Variants in TENM3 observed in about 807,000 individuals in gnomAD.
TENM3 encodes teneurin-3.
Under a neutral mutation model 255.1 loss-of-function variants are expected in TENM3, and 63 were observed. The observed-to-expected ratio is 0.25, with a 90% CI of 0.20 to 0.30. The LOEUF is 0.30. Ranked by LOEUF, TENM3 falls within the 10% of genes least tolerant of loss-of-function variation. The probability of loss-of-function intolerance (pLI) is 1.00; values close to 1 mark genes in which losing one functional copy is unlikely to be tolerated. For synonymous variants in TENM3, 1,306 were observed against 1,322.3 expected (o/e 0.99, Z 0.27); for missense variants, 2,929 against 3,461.1 (o/e 0.85, Z 3.86).
chr4:181,937,916 A>T, the TENM3 span, among the ~76,000 whole-genome samples: 1 of 152,166 alleles, frequency 6.6e-6, no homozygotes. Context: ...TTTTCAGGTG[A>T]GCCTGAAGAG....
the TENM3 span, among the ~76,000 whole-genome samples, chr4:182,058,441 C>T: frequency 1.3e-5 from 2 of 152,094 alleles, no homozygotes; most frequent in Non-Finnish European, 2.9e-5. Context: ...AGTTTAGCAA[C>T]TTATTACATA....
intron 3 of TENM3, among the ~76,000 whole-genome samples, chr4:182,470,446 G>A (rs1733010529): frequency 6.6e-6 from 1 of 152,156 alleles, no homozygotes. Flanking sequence ...CAAGAACACA[G>A]CTCCTTTGGT....
chr4:181,465,821 C>A, the TENM3 span, among the ~76,000 whole-genome samples: 3 of 152,282 alleles, frequency 2.0e-5, no homozygotes, highest in Admixed American at 2.0e-4. Context: ...GAGGAAGTTG[C>A]TAGATGCACA....
At chr4:181,576,791 C>A in the TENM3 span, among the ~76,000 whole-genome samples, 9 of 143,212 alleles carry the variant, frequency 6.3e-5, no homozygotes, top group East Asian at 1.6e-3. Context: ...CCGGATTTTT[C>A]TTTTTCTTTT....
chr4:181,910,656 A>G, the TENM3 span, among the ~76,000 whole-genome samples: 3 of 139,324 alleles, frequency 2.2e-5, no homozygotes, highest in East Asian at 4.2e-4. Flanking sequence ...GTGTGTGTGT[A>G]TTTTAGAGAG....
At chr4:181,734,563 C>G in the TENM3 span, among the ~76,000 whole-genome samples, 2 of 151,896 alleles carry the variant, frequency 1.3e-5, no homozygotes, top group Non-Finnish European at 2.9e-5. Flanking sequence ...GTTGTTTAGG[C>G]AATGTTGAGT....
chr4:182,307,195 A>G (rs1023580969), intron 1 of TENM3, among the ~76,000 whole-genome samples: 1 of 152,248 alleles, frequency 6.6e-6, no homozygotes, highest in African/African-American at 2.4e-5. Context: ...GCAGATGAAG[A>G]GGAATGCAGC....
At chr4:182,655,865 C>T (rs965971797) in intron 6 of TENM3, among the ~76,000 whole-genome samples, 1 of 152,104 alleles carries the variant, frequency 6.6e-6, no homozygotes, top group Non-Finnish European at 1.5e-5. Context: ...AATATGCTTC[C>T]CAAAATAATA....
intron 3 of TENM3, among the ~76,000 whole-genome samples, chr4:182,445,887 A>G (rs1388027901): frequency 6.6e-6 from 1 of 152,230 alleles, no homozygotes. Flanking sequence ...AGAAGGCGAT[A>G]TCCATAATGC....
At chr4:181,979,848 T>C in the TENM3 span, among the ~76,000 whole-genome samples, 5 of 152,210 alleles carry the variant, frequency 3.3e-5, no homozygotes, top group Admixed American at 3.3e-4. Context: ...TCTACCTTTA[T>C]GTTTTTAAGT....
intron 1 of TENM3, among the ~76,000 whole-genome samples, chr4:182,149,603 C>T (rs1163557711): frequency 5.3e-5 from 8 of 151,982 alleles, no homozygotes. Flanking sequence ...CTGTTGATAA[C>T]TTTCTTGGAA....
chr4:181,798,839 T>C, the TENM3 span, among the ~76,000 whole-genome samples: 1 of 152,202 alleles, frequency 6.6e-6, no homozygotes, highest in Non-Finnish European at 1.5e-5. Context: ...CGATGGTATG[T>C]GAGTTAACAA....
chr4:182,624,235 T>A (rs1019424117), intron 4 of TENM3, among the ~76,000 whole-genome samples: 2 of 152,196 alleles, frequency 1.3e-5, no homozygotes, highest in Non-Finnish European at 2.9e-5. Context: ...GTTTTCTAAA[T>A]ATGGTTTCTT....
chr4:182,325,482 A>G (rs1188735497), intron 2 of TENM3, among the ~76,000 whole-genome samples: 3 of 152,264 alleles, frequency 2.0e-5, no homozygotes, highest in Non-Finnish European at 4.4e-5. Flanking sequence ...AAGGGACAAA[A>G]TAGCTTAACA....
the TENM3 span, chr4:181,905,918 A>C: frequency 1.8e-6 from 1 of 567,960 alleles, no homozygotes; most frequent in Non-Finnish European, 3.3e-6. Flanking sequence ...GCTCAGCAGA[A>C]TGACATTGCT....
the TENM3 span, among the ~76,000 whole-genome samples, chr4:181,513,666 C>T: frequency 6.6e-6 from 1 of 152,216 alleles, no homozygotes; most frequent in Non-Finnish European, 1.5e-5. Flanking sequence ...ATCTCTGCTT[C>T]AACACTATAC....
At chr4:182,773,414 A>G in intron 22 of TENM3, 58 bp from the exon 23 acceptor site, 1 of 1,439,762 alleles carries the variant, frequency 6.9e-7, no homozygotes, top group Non-Finnish European at 9.4e-7. Flanking sequence ...TTATATTTAT[A>G]AGTCAGAAGA....
intron 3 of TENM3, among the ~76,000 whole-genome samples, chr4:182,435,679 A>C (rs1286544468): frequency 6.6e-6 from 1 of 152,228 alleles, no homozygotes; most frequent in African/African-American, 2.4e-5. Context: ...AGAAAATAGG[A>C]AATTGATTTG....
intron 3 of TENM3, among the ~76,000 whole-genome samples, chr4:182,551,219 T>TAAA (rs34487025): frequency 2.0e-4 from 22 of 112,218 alleles, no homozygotes; most frequent in African/African-American, 7.0e-4. Flanking sequence ...AGACTCCATC[T>TAAA]AAAAAAAAAA....
Sources: allele counts gnomAD v4.1 joint callset (sites outside exome capture counted in the v4.1 genomes callset), GRCh38; gene constraint gnomAD v4.1.1; transcripts MANE v1.5; gene names NCBI Gene and HGNC (gene_info 2026-07-23, HGNC 2026-07-21).